The following QTGAL variants were observed in gnomAD, a reference collection of about 807,000 sequenced individuals.
The protein encoded by QTGAL is queuosine-tRNA galactosyltransferase.
the QTGAL span, among the ~76,000 whole-genome samples, chr17:83,049,956 C>T: frequency 6.6e-6 from 1 of 152,260 alleles, no homozygotes; most frequent in Admixed American, 6.5e-5. Flanking sequence ...ATTAGTCTGT[C>T]CTCACCCTTA....
At chr17:83,041,891 G>A in the QTGAL span, among the ~76,000 whole-genome samples, 4 of 152,186 alleles carry the variant, frequency 2.6e-5, no homozygotes, top group South Asian at 2.1e-4. Context: ...GAAGAAGCAA[G>A]TAAGAGATTC....
At chr17:83,002,688 G>A in the QTGAL span, among the ~76,000 whole-genome samples, 6 of 152,288 alleles carry the variant, frequency 3.9e-5, no homozygotes, top group South Asian at 8.3e-4. Context: ...GCGGCACCGC[G>A]GGCGGCCCCG....
the QTGAL span, among the ~76,000 whole-genome samples, chr17:83,029,094 C>T: frequency 3.3e-5 from 5 of 152,238 alleles, no homozygotes; most frequent in Non-Finnish European, 5.9e-5. Context: ...GCATGCAGGC[C>T]GTTCCGAGGG....
the QTGAL span, chr17:83,006,250 C>T: frequency 7.7e-5 from 76 of 985,576 alleles, no homozygotes; most frequent in Non-Finnish European, 9.0e-5. This position sits in a 1 kb window ranked among gnomAD's most constrained non-coding sequence, Gnocchi z 5.8. Context: ...CACACCGAGG[C>T]ATCTGAGGCC....
At chr17:82,944,554 G>C in the QTGAL span, 1 of 152,282 alleles carries the variant, frequency 6.6e-6, no homozygotes, top group Non-Finnish European at 1.5e-5. Flanking sequence ...AAACCTCTCT[G>C]AAGGGGCAGC....
At chr17:82,945,955 G>A in the QTGAL span, 1 of 152,160 alleles carries the variant, frequency 6.6e-6, no homozygotes. Context: ...AAAGCACGTA[G>A]AATTGCTTAA....
chr17:83,047,475 T>C, the QTGAL span, among the ~76,000 whole-genome samples: 1 of 143,712 alleles, frequency 7.0e-6, no homozygotes, highest in African/African-American at 2.6e-5. Context: ...GAAATTTAGG[T>C]CTATAATAAA....
At chr17:83,014,525 GT>G in the QTGAL span, 1 of 1,613,866 alleles carries the variant, frequency 6.2e-7, no homozygotes, top group East Asian at 2.2e-5. Context: ...TCATCCTGCA[GT>G]AAAGAACACA....
At chr17:83,046,942 T>C in the QTGAL span, among the ~76,000 whole-genome samples, 1,380 of 152,292 alleles carry the variant, frequency 9.1e-3, 25 homozygotes, top group African/African-American at 0.032. Flanking sequence ...CGTTAAAACG[T>C]TATGCTAAAT....
chr17:82,968,365 C>G, the QTGAL span, among the ~76,000 whole-genome samples: 1 of 149,884 alleles, frequency 6.7e-6, no homozygotes, highest in Non-Finnish European at 1.5e-5. Context: ...CCGGTCAGGG[C>G]AGCACAGATG....
the QTGAL span, chr17:82,961,238 C>T: frequency 3.2e-5 from 51 of 1,569,250 alleles, no homozygotes; most frequent in African/African-American, 5.4e-5. Context: ...GTGCCTGCCC[C>T]GGATGCACAC....
At chr17:83,051,083 GAGGC>G in the QTGAL span, among the ~76,000 whole-genome samples, 1 of 149,306 alleles carries the variant, frequency 6.7e-6, no homozygotes, top group African/African-American at 2.5e-5. Flanking sequence ...GTGCGGGAGC[GAGGC>G]AGGTGCGCGC....
the QTGAL span, among the ~76,000 whole-genome samples, chr17:83,050,759 G>A: frequency 1.3e-5 from 2 of 152,188 alleles, no homozygotes; most frequent in Non-Finnish European, 2.9e-5. Flanking sequence ...TTTAGGGCAC[G>A]TGTTTGGGGT....
chr17:83,045,551 C>T, the QTGAL span, among the ~76,000 whole-genome samples: 7 of 152,032 alleles, frequency 4.6e-5, no homozygotes, highest in East Asian at 1.9e-4. Context: ...CAAAAGCACA[C>T]GCCACAAAAG....
chr17:83,040,694 T>G, the QTGAL span, among the ~76,000 whole-genome samples: 4 of 152,180 alleles, frequency 2.6e-5, no homozygotes, highest in Non-Finnish European at 5.9e-5. Context: ...CACCTAGAAT[T>G]CTATACCCAG....
the QTGAL span, chr17:82,957,434 C>T: frequency 6.5e-5 from 105 of 1,612,116 alleles, no homozygotes; most frequent in Middle Eastern, 3.3e-4. Flanking sequence ...TGGTGAAGGC[C>T]GCCCAGCGGG....
At chr17:82,958,794 CAT>C in the QTGAL span, among the ~76,000 whole-genome samples, 22 of 112,842 alleles carry the variant, frequency 1.9e-4, no homozygotes, top group African/African-American at 8.9e-4. Flanking sequence ...GACACTGAAG[CAT>C]GTGTGTGTGT....
chr17:83,017,893 C>A, the QTGAL span, among the ~76,000 whole-genome samples: 2 of 150,252 alleles, frequency 1.3e-5, no homozygotes, highest in Non-Finnish European at 3.0e-5. Flanking sequence ...ACACGACGTG[C>A]CTGCATCAGG....
chr17:83,022,273 C>T, the QTGAL span, among the ~76,000 whole-genome samples: 4 of 149,270 alleles, frequency 2.7e-5, no homozygotes, highest in Non-Finnish European at 4.5e-5. Context: ...ATGAGCTTAG[C>T]ACTGTCCCCG....
Sources: allele counts gnomAD v4.1 joint callset (sites outside exome capture counted in the v4.1 genomes callset), GRCh38; gene constraint gnomAD v4.1.1; non-coding constraint Gnocchi (gnomAD v3.1); transcripts MANE v1.5; gene names NCBI Gene and HGNC (gene_info 2026-07-23, HGNC 2026-07-21).